Variants in CERS3 observed in about 807,000 individuals in gnomAD.
CERS3 encodes the protein LAG1 homolog, ceramide synthase 3.
A neutral mutation model predicts 50.3 loss-of-function variants in CERS3; 33 were observed. The observed-to-expected ratio is 0.66, with a 90% confidence interval of 0.50 to 0.88. CERS3 has a LOEUF of 0.88. Ranked by LOEUF, CERS3 falls within the 40% of genes least tolerant of loss-of-function variation. The pLI is 0.00. For synonymous variants in CERS3, 176 were observed against 155.2 expected, an observed-to-expected ratio of 1.13 and a Z score of -0.99; for missense variants, 470 against 460.3, an observed-to-expected ratio of 1.02 and a Z score of -0.19.
intron 1 of CERS3, among the ~76,000 whole-genome samples, chr15:100,538,260 C>T (rs912847191): frequency 2.6e-5 from 4 of 152,154 alleles, no homozygotes; most frequent in Non-Finnish European, 5.9e-5. Context: ...AATGGATCTA[C>T]CATTATGGGG....
chr15:100,405,632 A>C (rs1196213044), intron 11 of CERS3, among the ~76,000 whole-genome samples: 1 of 152,238 alleles, frequency 6.6e-6, no homozygotes, highest in Non-Finnish European at 1.5e-5. Flanking sequence ...TTTTCATGAC[A>C]TTCTCAAAAA....
upstream of CERS3, among the ~76,000 whole-genome samples, chr15:100,529,817 G>C (rs887946966): frequency 7.2e-5 from 11 of 152,140 alleles, no homozygotes; most frequent in Admixed American, 5.9e-4. Context: ...CACACTGAGA[G>C]CCTGATTCTC....
chr15:100,494,202 T>C (rs2035736088), intron 3 of CERS3, among the ~76,000 whole-genome samples: 2 of 141,662 alleles, frequency 1.4e-5, no homozygotes, highest in Admixed American at 1.4e-4. Context: ...AGTCACCTTT[T>C]TTCTTTTCAT....
rs767959919 is a variant in CERS3, at chr15:100,501,690, G to A, written c.160C>T (p.Arg54Cys). The change falls in exon 3 of 12, where the codon CGT becomes TGT. Residue 54 changes from arginine (R) to cysteine (C), a missense_variant. Arg to Cys is a radical substitution (Grantham distance 180). Coordinates refer to ENST00000679737, the MANE Select transcript of CERS3 (RefSeq NM_001378789.1). ...AGTACTACTTACTTTTCAAATACAC[G>A]TCTGATAATCAGCAAGAGAAAAGCA... Reference protein sequence around the residue: ...PYAFLLLIIRRVFEKFVASPL... With the variant: ...PYAFLLLIIRCVFEKFVASPL... 1.2e-5 allele frequency: 19 copies of A among 1,612,488 alleles called. No individual in the cohort carries two copies. In the African/African-American group the frequency reaches 1.2e-4, roughly 10 times the overall value.
intron 3 of CERS3, among the ~76,000 whole-genome samples, chr15:100,494,210 C>CATATATATAT (rs1170051830): frequency 1.5e-4 from 12 of 78,116 alleles, no homozygotes; most frequent in African/African-American, 1.7e-4. Flanking sequence ...TTTTTCTTTT[C>CATATATATAT]ATATATATAT....
At chr15:100,501,371 C>T (rs1474687312) in intron 3 of CERS3, among the ~76,000 whole-genome samples, 1 of 152,204 alleles carries the variant, frequency 6.6e-6, no homozygotes, top group Non-Finnish European at 1.5e-5. Context: ...AGTAGATGAA[C>T]TGGGTTCCCG....
chr15:100,474,591 GACAGGATTTC>G (rs1184967546), intron 8 of CERS3, among the ~76,000 whole-genome samples: 1 of 152,152 alleles, frequency 6.6e-6, no homozygotes, highest in African/African-American at 2.4e-5. Flanking sequence ...TTTTAGAAGA[GACAGGATTTC>G]ACCATGTTGG....
intron 2 of CERS3, among the ~76,000 whole-genome samples, chr15:100,507,060 T>C (rs186057892): frequency 6.6e-6 from 1 of 152,306 alleles, no homozygotes; most frequent in African/African-American, 2.4e-5. Flanking sequence ...AGCTGCCTGT[T>C]CTTCATTTAT....
At chr15:100,459,837 TTAATG>T (rs2034492349) in intron 10 of CERS3, among the ~76,000 whole-genome samples, 1 of 152,132 alleles carries the variant, frequency 6.6e-6, no homozygotes, top group African/African-American at 2.4e-5. Context: ...ATATTTTTAT[TTAATG>T]TATAGTGACT....
At chr15:100,482,719 C>T (rs1255520818) in intron 5 of CERS3, among the ~76,000 whole-genome samples, 1 of 152,044 alleles carries the variant, frequency 6.6e-6, no homozygotes, top group Non-Finnish European at 1.5e-5. Context: ...ACCCAACGTG[C>T]CTGGGGGCTC....
At chr15:100,516,186 G>A (rs923579076) in intron 2 of CERS3, among the ~76,000 whole-genome samples, 4 of 152,154 alleles carry the variant, frequency 2.6e-5, no homozygotes, top group African/African-American at 9.7e-5. Context: ...AGAAAGGGGT[G>A]GGTAAGGCCA....
At chr15:100,424,232 T>C (rs2032664741) in intron 11 of CERS3, among the ~76,000 whole-genome samples, 1 of 152,174 alleles carries the variant, frequency 6.6e-6, no homozygotes, top group African/African-American at 2.4e-5. Flanking sequence ...TGAGCCACCA[T>C]GCCTGGCCAG....
chr15:100,469,826 T>A (rs2034906491), intron 9 of CERS3, among the ~76,000 whole-genome samples: 1 of 152,214 alleles, frequency 6.6e-6, no homozygotes, highest in Admixed American at 6.5e-5. Context: ...CATGTGGGCA[T>A]TTATTTCATA....
chr15:100,470,346 A>G (rs1258423005), intron 9 of CERS3, among the ~76,000 whole-genome samples: 1 of 152,182 alleles, frequency 6.6e-6, no homozygotes, highest in Admixed American at 6.5e-5. Flanking sequence ...TACATTCCAG[A>G]AAGGGTTCAC....
chr15:100,445,974 C>T lies in CERS3; in HGVS notation c.999+9919G>A, dbSNP rs148521433. Among the ~76,000 whole-genome samples the T allele has an allele frequency of 6.9e-3, 1,056 of 152,302 alleles. 13 individuals carry two copies. The highest frequency in any genetic ancestry group is 0.024 in the African/African-American group (993 of 41,554). On this transcript the variant is annotated intron_variant, in intron 11 of 11. Transcript: ENST00000679737. ...TGTGAAATTCCTTCTCCTGGCTCAT[C>T]CTGGCTCAAAAGCTCCCCTGCTGAG... is the stretch of plus-strand genomic sequence containing the variant.
chr15:100,481,870 A>T (rs1282491388), intron 5 of CERS3, among the ~76,000 whole-genome samples: 3 of 152,236 alleles, frequency 2.0e-5, no homozygotes, highest in African/African-American at 4.8e-5. Flanking sequence ...GAATATTTTC[A>T]GAATATTACT....
chr15:100,472,000 C>A (rs972606370), intron 9 of CERS3, among the ~76,000 whole-genome samples: 1 of 152,188 alleles, frequency 6.6e-6, no homozygotes, highest in Non-Finnish European at 1.5e-5. Context: ...AGAGATCATA[C>A]GCAGCCCACA....
At chr15:100,519,449 G>A (rs1272329845) in intron 2 of CERS3, among the ~76,000 whole-genome samples, 1 of 152,102 alleles carries the variant, frequency 6.6e-6, no homozygotes, top group Non-Finnish European at 1.5e-5. Context: ...AAAAGTGAAC[G>A]GAAGGGTCAT....
intron 11 of CERS3, among the ~76,000 whole-genome samples, chr15:100,405,712 G>A (rs1420110904): frequency 6.6e-6 from 1 of 152,182 alleles, no homozygotes; most frequent in African/African-American, 2.4e-5. Context: ...AGTTATTTGG[G>A]TTGATGAAAT....
Sources: gnomAD v4.1 joint callset for allele counts (sites outside exome capture counted in the v4.1 genomes callset) on GRCh38, gnomAD v4.1.1 for gene constraint, MANE v1.5 for transcripts, NCBI Gene and HGNC (gene_info 2026-07-23, HGNC 2026-07-21) for gene names.